The following HTR1F variants were observed in gnomAD, a reference collection of about 807,000 sequenced individuals.
The protein encoded by HTR1F is 5-hydroxytryptamine (serotonin) receptor 1F, G protein-coupled.
In HTR1F, 17 loss-of-function variants were observed where a neutral mutation model predicts 24.0. The observed-to-expected ratio is 0.71, with a 90% CI of 0.48 to 1.06. The LOEUF is 1.06. Ranked by LOEUF, HTR1F falls within the 50% of genes least tolerant of loss-of-function variation. The pLI, the probability that HTR1F is intolerant of heterozygous loss-of-function variation, is 0.00. For synonymous variants in HTR1F, 186 were observed against 156.8 expected, an observed-to-expected ratio of 1.19 and a Z score of -1.39; for missense variants, 391 against 427.8, an observed-to-expected ratio of 0.91 and a Z score of 0.76.
chr3:87,901,108 C>T (rs1257598642), intron 2 of HTR1F, among the ~76,000 whole-genome samples: 2 of 152,100 alleles, frequency 1.3e-5, no homozygotes, highest in African/African-American at 4.8e-5. Flanking sequence ...TATAATAACA[C>T]CATTGTTTTA....
intron 2 of HTR1F, among the ~76,000 whole-genome samples, chr3:87,980,972 T>C (rs1359669569): frequency 6.6e-6 from 1 of 152,052 alleles, no homozygotes; most frequent in Non-Finnish European, 1.5e-5. Flanking sequence ...TCCACAGCTG[T>C]AGCTGGGGGG....
chr3:87,947,007 A>G (rs1275676551), intron 2 of HTR1F, among the ~76,000 whole-genome samples: 1 of 152,196 alleles, frequency 6.6e-6, no homozygotes, highest in African/African-American at 2.4e-5. Context: ...TAATTTTATT[A>G]TTTAATCGTT....
At chr3:87,867,324 C>A (rs1259305497) in intron 2 of HTR1F, among the ~76,000 whole-genome samples, 2 of 151,698 alleles carry the variant, frequency 1.3e-5, no homozygotes, top group African/African-American at 2.4e-5. Context: ...TCTCATTGTA[C>A]ATCGAAATGT....
intron 2 of HTR1F, among the ~76,000 whole-genome samples, chr3:87,865,642 T>A (rs1328483675): frequency 6.6e-6 from 1 of 152,218 alleles, no homozygotes; most frequent in Non-Finnish European, 1.5e-5. Flanking sequence ...ATTGTTTGTA[T>A]GTAGCAATGG....
At chr3:87,850,864 G>T (rs2107204950) in intron 2 of HTR1F, among the ~76,000 whole-genome samples, 1 of 150,148 alleles carries the variant, frequency 6.7e-6, no homozygotes, top group Admixed American at 6.6e-5. Flanking sequence ...GCTAGCAACA[G>T]GTATTGCTCT....
chr3:87,881,259 C>T (rs1451902791), intron 2 of HTR1F, among the ~76,000 whole-genome samples: 2 of 152,174 alleles, frequency 1.3e-5, no homozygotes, highest in Non-Finnish European at 1.5e-5. Flanking sequence ...TCTTAGCAAA[C>T]GGCACACCAG....
At chr3:87,899,706 T>C (rs1706280389) in intron 2 of HTR1F, among the ~76,000 whole-genome samples, 1 of 151,892 alleles carries the variant, frequency 6.6e-6, no homozygotes, top group African/African-American at 2.4e-5. Flanking sequence ...GTACTAAAAA[T>C]ACAAAAAATT....
chr3:87,827,568 A>T (rs1328268835), intron 2 of HTR1F, among the ~76,000 whole-genome samples: 3 of 152,216 alleles, frequency 2.0e-5, no homozygotes, highest in Non-Finnish European at 4.4e-5. Flanking sequence ...GCATTCTGTA[A>T]TTGAGATTTC....
At chr3:87,821,848 AC>A (rs11359321) in intron 1 of HTR1F, among the ~76,000 whole-genome samples, 159 bp from the exon 2 acceptor site, 20,064 of 152,076 alleles carry the variant, frequency 0.13, 4,106 homozygotes, top group African/African-American at 0.44. Context: ...TCTTTTATTG[AC>A]TTCTAAACCG....
intron 2 of HTR1F, among the ~76,000 whole-genome samples, chr3:87,973,433 C>A (rs865982962): frequency 3.9e-5 from 6 of 152,182 alleles, no homozygotes; most frequent in Middle Eastern, 3.2e-3. Flanking sequence ...TCTATTGACT[C>A]AATAAACTCA....
chr3:87,877,675 G>C (rs115617794), intron 2 of HTR1F, among the ~76,000 whole-genome samples: 1,779 of 152,204 alleles, frequency 0.012, 27 homozygotes, highest in African/African-American at 0.04. Flanking sequence ...ACTATCAATA[G>C]TAAGAGCAGA....
intron 2 of HTR1F, among the ~76,000 whole-genome samples, chr3:87,933,694 G>A (rs1704341269): frequency 6.6e-6 from 1 of 152,162 alleles, no homozygotes; most frequent in Non-Finnish European, 1.5e-5. Flanking sequence ...ACTGCTCAAT[G>A]AAATAAAAGA....
intron 2 of HTR1F, among the ~76,000 whole-genome samples, chr3:87,961,001 C>T (rs1386493401): frequency 2.5e-5 from 3 of 121,178 alleles, no homozygotes; most frequent in Admixed American, 8.1e-5. Context: ...TGGTATGGTG[C>T]ACACACACAC....
intron 2 of HTR1F, among the ~76,000 whole-genome samples, chr3:87,860,931 C>A (rs2107229236): frequency 6.6e-6 from 1 of 152,210 alleles, no homozygotes; most frequent in South Asian, 2.1e-4. Context: ...ATGAGGCGGG[C>A]AGGTCACTTG....
At position 87,957,705 on chromosome 3, in the gene HTR1F, C is replaced by CT. The variant is rs1436964472; in HGVS notation, c.-42-32996dup. On this transcript the variant is annotated intron_variant, in intron 2 of 2. Transcript: ENST00000319595. ...TGTTGACATTAGTGTTCTTAATACTCTTTTTTTATCCTTTTAATATTCATA... is the reference window on the plus strand; with the variant it reads ...TGTTGACATTAGTGTTCTTAATACTCTTTTTTTTATCCTTTTAATATTCATA... 3.3e-5 allele frequency among the ~76,000 whole-genome samples: 5 copies of CT among 151,250 alleles called. No individual in the cohort carries two copies. In the South Asian group the frequency reaches 6.2e-4, roughly 19 times the overall value.
At chr3:87,974,213 T>C (rs1705345201) in intron 2 of HTR1F, among the ~76,000 whole-genome samples, 1 of 152,212 alleles carries the variant, frequency 6.6e-6, no homozygotes, top group Non-Finnish European at 1.5e-5. Flanking sequence ...TGGCCTCAAG[T>C]AGAGAAAATG....
At chr3:87,879,453 T>A (rs1407942791) in intron 2 of HTR1F, among the ~76,000 whole-genome samples, 2 of 152,198 alleles carry the variant, frequency 1.3e-5, no homozygotes, top group African/African-American at 2.4e-5. Flanking sequence ...ATGTGTGAAA[T>A]CACTTCATTG....
In HTR1F at chr3:87,955,273, G is replaced by A. The variant is rs535477773; in HGVS notation, c.-42-35435G>A. 2.6e-5 allele frequency among the ~76,000 whole-genome samples: 4 copies of A among 151,218 alleles called. No individual in the cohort carries two copies. The South Asian group carries it at 8.3e-4, about 31-fold the overall frequency. On this transcript the variant is annotated intron_variant, in intron 2 of 2. Coordinates refer to ENST00000319595, the MANE Select transcript of HTR1F (RefSeq NM_001322209.2). ...GCTTTTTCGCACCTATATTAGTTTC[G>A]TTTTTATGTAAGTAGTATAATACAA...
At chr3:87,876,471 A>C (rs1347319945) in intron 2 of HTR1F, among the ~76,000 whole-genome samples, 1 of 152,250 alleles carries the variant, frequency 6.6e-6, no homozygotes, top group East Asian at 1.9e-4. Flanking sequence ...TAGTAAAAAC[A>C]CAGATGAATC....
Sources: gnomAD v4.1 joint callset for allele counts (sites outside exome capture counted in the v4.1 genomes callset) on GRCh38, gnomAD v4.1.1 for gene constraint, MANE v1.5 for transcripts, NCBI Gene and HGNC (gene_info 2026-07-23, HGNC 2026-07-21) for gene names.